NEO1: variants seen among roughly 807,000 people sequenced by gnomAD.
NEO1 encodes the protein neogenin.
Under a neutral mutation model 159.7 loss-of-function variants are expected in NEO1, and 63 were observed. The ratio of observed to expected loss-of-function variants is 0.39; its 90% CI spans 0.32 to 0.49. The LOEUF is 0.49. Ranked by LOEUF, NEO1 falls within the 20% of genes least tolerant of loss-of-function variation. The pLI, the probability that NEO1 is intolerant of heterozygous loss-of-function variation, is 0.85. For synonymous variants in NEO1, 633 were observed against 662.0 expected, an observed-to-expected ratio of 0.96 and a Z score of 0.67; for missense variants, 1,615 against 1,831.0, an observed-to-expected ratio of 0.88 and a Z score of 2.15.
intron 7 of NEO1, among the ~76,000 whole-genome samples, chr15:73,213,037 A>G (rs1186778154): frequency 6.6e-6 from 1 of 152,200 alleles, no homozygotes; most frequent in African/African-American, 2.4e-5. Flanking sequence ...TCAAAAGGGA[A>G]CCATAATCTT....
At chr15:73,185,887 A>T (rs966957538) in intron 7 of NEO1, among the ~76,000 whole-genome samples, 2 of 152,146 alleles carry the variant, frequency 1.3e-5, no homozygotes, top group African/African-American at 4.8e-5. Context: ...CAGAACAAGG[A>T]CAGGGAGAAA....
chr15:73,164,019 ATT>A (rs57049110), intron 5 of NEO1, among the ~76,000 whole-genome samples: 2,797 of 123,640 alleles, frequency 0.023, 28 homozygotes, highest in African/African-American at 0.029. Context: ...TCTTTTTCTT[ATT>A]TTTTTTTTTT....
At position 73,282,757 on chromosome 15, in the gene NEO1, C is replaced by G. The variant is rs572935004; in HGVS notation, c.3263-207C>G. 2.0e-5 allele frequency among the ~76,000 whole-genome samples: 3 copies of G among 152,312 alleles called. No individual in the cohort carries two copies. The East Asian group carries it at 5.8e-4, about 29-fold the overall frequency. ...GTACTATCTTTGAGCAGGCTCTGTC[C>G]TGAGCACTGTTCATAGGACAGACTC... On this transcript the variant is annotated intron_variant, in intron 22 of 28. Coordinates refer to ENST00000261908, the MANE Select transcript of NEO1 (RefSeq NM_002499.4).
intron 5 of NEO1, among the ~76,000 whole-genome samples, chr15:73,157,875 G>A (rs1181029794): frequency 6.6e-6 from 1 of 151,836 alleles, no homozygotes; most frequent in East Asian, 1.9e-4. Context: ...TGTTTCCCTT[G>A]TTGATATTTT....
At position 73,052,725 on chromosome 15, in the gene NEO1, G is replaced by A; in HGVS notation, c.50G>A (p.Trp17Ter). Residue 17 changes from tryptophan (W) to a stop codon, truncating the protein, a stop_gained, in exon 1 of 29, where the codon TGG becomes TAG. Transcript: ENST00000261908. LOFTEE classifies it high-confidence loss of function. ...ARRLLSTPSF[W>*]LYCLLLLGRR... ...CGACTCCTCAGCACCCCCTCCTTCTGGCTCTACTGCCTGCTGCTGCTCGGG... is the reference window on the plus strand; with the variant it reads ...CGACTCCTCAGCACCCCCTCCTTCTAGCTCTACTGCCTGCTGCTGCTCGGG... 1 of 1,352,736 alleles carries A rather than the reference G, an allele frequency of 7.4e-7. No individual in the cohort carries two copies. Among genetic ancestry groups the A allele is most frequent in the Non-Finnish European group, 9.6e-7 (1 of 1,044,752 alleles). The allele number at this position is 1,352,736 out of a possible 1,614,324, so 83.8% of individuals were successfully genotyped here. A position where few individuals can be genotyped will look rare whatever the true frequency, so the allele number is the denominator to read the frequency against.
chr15:73,168,806 G>A (rs1488564291), intron 5 of NEO1, among the ~76,000 whole-genome samples: 5 of 151,852 alleles, frequency 3.3e-5, no homozygotes, highest in African/African-American at 7.2e-5. Flanking sequence ...TAGTACACTT[G>A]TGATTAGACT....
chr15:73,251,647 G>C lies in NEO1; in HGVS notation c.1895-1753G>C, dbSNP rs552798524. Among the ~76,000 whole-genome samples, 5 of 152,076 alleles carry C rather than the reference G, an allele frequency of 3.3e-5. No homozygotes were observed. In the South Asian group the frequency reaches 8.3e-4, roughly 25 times the overall value. On this transcript the variant is annotated intron_variant, in intron 11 of 28. Coordinates refer to ENST00000261908, the MANE Select transcript of NEO1 (RefSeq NM_002499.4). ...TTAAGGGAAAAAAATGTTTACTGTA[G>C]GCTGTTAAATCTACACACGAGCCAA...
chr15:73,274,498 A>C (rs1331144225), intron 20 of NEO1, among the ~76,000 whole-genome samples, 194 bp from the exon 21 acceptor site: 1 of 152,224 alleles, frequency 6.6e-6, no homozygotes, highest in East Asian at 1.9e-4. Context: ...ATAAAATTTA[A>C]CTGGGGACTG....
At chr15:73,115,260 C>T (rs1376055347) in intron 1 of NEO1, among the ~76,000 whole-genome samples, 1 of 152,150 alleles carries the variant, frequency 6.6e-6, no homozygotes, top group Admixed American at 6.5e-5. Flanking sequence ...CCAGGCTGGT[C>T]TCGAACTGCT....
At chr15:73,209,284 T>A in intron 7 of NEO1, among the ~76,000 whole-genome samples, 2 of 152,320 alleles carry the variant, frequency 1.3e-5, no homozygotes, top group South Asian at 4.1e-4. Context: ...TGCCATGTAT[T>A]TTTCAGTGGC....
Position 73,176,585 on chromosome 15 carries a change from A to T in NEO1, c.1170+28A>T, listed in dbSNP as rs370874079. 98 of 1,566,280 alleles carry T rather than the reference A, an allele frequency of 6.3e-5. 1 individual carries two copies. In the African/African-American group the frequency reaches 1.2e-3, roughly 19 times the overall value. On this transcript the variant is annotated intron_variant, in intron 6 of 28. Coordinates refer to ENST00000261908, the MANE Select transcript of NEO1 (RefSeq NM_002499.4). ...AAGTATTTTTCAAAGAAGTGTGTTTATTTCTGTAACCTTTAGATATTTTTA... is the reference window on the plus strand; with the variant it reads ...AAGTATTTTTCAAAGAAGTGTGTTTTTTTCTGTAACCTTTAGATATTTTTA...
chr15:73,058,346 C>T (rs527977292), intron 1 of NEO1, among the ~76,000 whole-genome samples: 7 of 152,272 alleles, frequency 4.6e-5, no homozygotes, highest in South Asian at 4.1e-4. Flanking sequence ...ATATTAAGTG[C>T]CTTGCCGAAG....
chr15:73,301,301 A>G lies in NEO1; in HGVS notation c.4166-20A>G. ...GGAGGCAGGCTTGGCCACATATCTG[A>G]TGGTGCCCTTTCCCCTCAGCTCTGA... On this transcript the variant is annotated intron_variant, in intron 27 of 28. Coordinates refer to ENST00000261908, the MANE Select transcript of NEO1 (RefSeq NM_002499.4). 1 of 1,613,988 alleles carries G rather than the reference A, an allele frequency of 6.2e-7. No homozygotes were observed. The highest frequency in any genetic ancestry group is 8.5e-7 in the Non-Finnish European group (1 of 1,179,956).
At chr15:73,164,210 GTT>G (rs35133349) in intron 5 of NEO1, among the ~76,000 whole-genome samples, 104 of 125,258 alleles carry the variant, frequency 8.3e-4, no homozygotes, top group African/African-American at 2.9e-3. Context: ...ATTATTATTG[GTT>G]TTTTTTTTTT....
intron 7 of NEO1, among the ~76,000 whole-genome samples, chr15:73,183,302 G>A (rs1299953859): frequency 2.6e-5 from 4 of 152,126 alleles, no homozygotes; most frequent in Admixed American, 6.5e-5. Context: ...ACCAGTGGGG[G>A]AGGGGCAGAA....
chr15:73,251,473 C>A, intron 11 of NEO1, among the ~76,000 whole-genome samples: 1 of 147,438 alleles, frequency 6.8e-6, no homozygotes, highest in Non-Finnish European at 1.5e-5. Context: ...GTGATTACAC[C>A]ACTGCACTCC....
chr15:73,192,363 G>A (rs2036281309), intron 7 of NEO1, among the ~76,000 whole-genome samples: 1 of 151,814 alleles, frequency 6.6e-6, no homozygotes, highest in African/African-American at 2.4e-5. Context: ...TTATATTACA[G>A]GTTTATCTTT....
intron 1 of NEO1, among the ~76,000 whole-genome samples, chr15:73,068,228 C>T (rs1375597063): frequency 1.8e-5 from 2 of 111,498 alleles, no homozygotes; most frequent in African/African-American, 2.8e-5. Flanking sequence ...CCCCTACCCC[C>T]CCCCCTTTTT....
intron 1 of NEO1, among the ~76,000 whole-genome samples, chr15:73,058,867 A>G (rs936044639): frequency 3.9e-5 from 6 of 152,202 alleles, no homozygotes; most frequent in East Asian, 1.9e-4. Flanking sequence ...AATAACTTCT[A>G]TTCAGTTATT....
Sources: gnomAD v4.1 joint callset for allele counts (sites outside exome capture counted in the v4.1 genomes callset) on GRCh38, gnomAD v4.1.1 for gene constraint, MANE v1.5 for transcripts, NCBI Gene and HGNC (gene_info 2026-07-23, HGNC 2026-07-21) for gene names.